The following GTF2A1 variants were observed in gnomAD, a reference collection of about 807,000 sequenced individuals.
GTF2A1 encodes the protein general transcription factor IIA subunit 1, also known as transcription initiation factor IIA subunit 1.
In GTF2A1, 12 loss-of-function variants were observed where a neutral mutation model predicts 54.1. The observed-to-expected ratio is 0.22, with a 90% CI of 0.14 to 0.36. The LOEUF (loss-of-function observed/expected upper bound fraction) is 0.36, where lower values mean the gene tolerates loss of function less well. GTF2A1 is among the 10% of genes least tolerant of loss of function. The pLI, the probability that GTF2A1 is intolerant of heterozygous loss-of-function variation, is 1.00. For missense variants in GTF2A1, 335 were observed against 442.2 expected (o/e 0.76, Z 2.17); for synonymous variants, 145 against 152.0 (o/e 0.95, Z 0.34).
At chr14:81,204,430 T>A in intron 2 of GTF2A1, 1 of 369,706 alleles carries the variant, frequency 2.7e-6, no homozygotes, top group South Asian at 2.4e-5. Flanking sequence ...TAATCAAAGA[T>A]TATCCTTTAT....
intron 4 of GTF2A1, among the ~76,000 whole-genome samples, chr14:81,197,760 T>A (rs555424251): frequency 9.7e-4 from 148 of 152,264 alleles, no homozygotes; most frequent in Non-Finnish European, 1.9e-3. Context: ...TGCAGTTTTT[T>A]TTTCCTTCTT....
intron 4 of GTF2A1, among the ~76,000 whole-genome samples, chr14:81,198,885 TC>T (rs1286904315): frequency 6.6e-6 from 1 of 152,202 alleles, no homozygotes; most frequent in African/African-American, 2.4e-5. Context: ...TACATAGCTT[TC>T]CAAGAAAATA....
rs1892562172 is a variant in GTF2A1 at position 81,177,964 on chromosome 14, G to T, written c.*2259C>A. 1 of 152,056 alleles carries T rather than the reference G, an allele frequency of 6.6e-6. No individual in the cohort carries two copies. The highest frequency in any genetic ancestry group is 1.5e-5 in the Non-Finnish European group (1 of 67,962). 9.4% of individuals were successfully genotyped at this position (152,056 alleles called of 1,614,324 possible). On this transcript the variant is annotated 3_prime_UTR_variant, in exon 9 of 9. Transcript: ENST00000553612. ...CAGGTAAAAGAAAAGCATTTGCCAAGTATACCATAATTCATATGCAATACG... is the reference window on the plus strand; with the variant it reads ...CAGGTAAAAGAAAAGCATTTGCCAATTATACCATAATTCATATGCAATACG...
rs944587184 is a variant in GTF2A1 at position 81,175,755 on chromosome 14, A to C, written c.*4468T>G. On this transcript the variant is annotated 3_prime_UTR_variant, in exon 9 of 9. Transcript: ENST00000553612. ...GAGAAATAACAATGTTTTTATCCTA[A>C]GTAATCTATACTTTGGAGTAGAAAT... The C allele has an allele frequency of 6.6e-6, 1 of 152,200 alleles. No homozygotes were observed. The highest frequency in any genetic ancestry group is 1.5e-5 in the Non-Finnish European group (1 of 68,024). The allele number at this position is 152,200 out of a possible 1,614,324, so 9.4% of individuals were successfully genotyped here.
intron 6 of GTF2A1, among the ~76,000 whole-genome samples, chr14:81,194,576 G>T (rs1693051808): frequency 6.6e-6 from 1 of 152,164 alleles, no homozygotes; most frequent in South Asian, 2.1e-4. Context: ...ATTTAAAAAA[G>T]AGACAGACAC....
chr14:81,180,311 T>C lies in GTF2A1; in HGVS notation c.1043A>G (p.Lys348Arg), dbSNP rs1892612916. Residue 348 changes from lysine to arginine, a missense_variant, in exon 9 of 9, where the codon AAA becomes AGA. By Grantham distance (26) the Lys-to-Arg change is conservative. This residue lies in a region of GTF2A1 where 29 missense variants were observed against 81.7 expected (regional missense o/e 0.35). Transcript: ENST00000553612. ...GCCATCCTTGAGATGAAATTTCCATTTGTTTTTACTTCTGTGTATCTAAAC... is the reference window on the plus strand; with the variant it reads ...GCCATCCTTGAGATGAAATTTCCATCTGTTTTTACTTCTGTGTATCTAAAC... ...QYDKIHRSKN[K>R]WKFHLKDGIM... 1 of 1,396,828 alleles carries C rather than the reference T, an allele frequency of 7.2e-7. No homozygotes were observed. The highest frequency in any genetic ancestry group is 1.0e-6 in the Non-Finnish European group (1 of 989,114). The allele number at this position is 1,396,828 out of a possible 1,614,324, so 86.5% of individuals were successfully genotyped here.
At chr14:81,197,600 A>C in intron 4 of GTF2A1, 116 bp from the exon 5 acceptor site, 2 of 589,186 alleles carry the variant, frequency 3.4e-6, no homozygotes, top group Non-Finnish European at 6.0e-6. Flanking sequence ...AATTTAAAAA[A>C]TCTAGTAAGG....
chr14:81,215,705 C>T (rs867136743), intron 2 of GTF2A1, among the ~76,000 whole-genome samples: 4 of 152,142 alleles, frequency 2.6e-5, no homozygotes, highest in Non-Finnish European at 4.4e-5. Context: ...ACTTAAAACA[C>T]ACTTTAGAAT....
Position 81,196,192 on chromosome 14 carries a change from A to T in GTF2A1, c.528T>A (p.Phe176Leu), listed in dbSNP as rs936687867. Residue 176 changes from phenylalanine (F) to leucine (L), a missense_variant, in exon 6 of 9, where the codon TTT becomes TTA. Phe to Leu is a conservative substitution (Grantham distance 22, BLOSUM62 0). Transcript: ENST00000553612. ...GTAGAACCACTGACTGCTGAGGCTGAAAGATATATTGGGCACCATTGGCTG... is the reference window on the plus strand; with the variant it reads ...GTAGAACCACTGACTGCTGAGGCTGTAAGATATATTGGGCACCATTGGCTG... ...VRAANGAQYIFQPQQSVVLQQ... is the reference protein window; with the variant it reads ...VRAANGAQYILQPQQSVVLQQ... 2 of 1,613,966 alleles carry T rather than the reference A, an allele frequency of 1.2e-6. No individual in the cohort carries two copies. The highest frequency in any genetic ancestry group is 2.7e-5 in the African/African-American group (2 of 74,932).
Position 81,195,369 on chromosome 14 carries a change from C to T in GTF2A1, c.612+739G>A, listed in dbSNP as rs566052758. ...AAAAAAAAGGCCGGGCGCAGTGGCT[C>T]ACACCTGTAATCCCAGCACTTTGGG... is the stretch of plus-strand genomic sequence containing the variant. On this transcript the variant is annotated intron_variant, in intron 6 of 8. Coordinates refer to ENST00000553612, the MANE Select transcript of GTF2A1 (RefSeq NM_015859.4). Among the ~76,000 whole-genome samples the T allele has an allele frequency of 4.6e-5, 7 of 151,672 alleles. No individual in the cohort carries two copies. In the South Asian group the frequency reaches 1.5e-3, roughly 32 times the overall value.
At chr14:81,199,105 G>A (rs1329271738) in intron 4 of GTF2A1, among the ~76,000 whole-genome samples, 1 of 151,972 alleles carries the variant, frequency 6.6e-6, no homozygotes, top group Admixed American at 6.6e-5. Context: ...ATACTATTAA[G>A]AAATATTTAA....
intron 2 of GTF2A1, among the ~76,000 whole-genome samples, chr14:81,215,938 T>C (rs1038785092): frequency 1.3e-5 from 2 of 152,170 alleles, no homozygotes; most frequent in Non-Finnish European, 2.9e-5. Context: ...GAGGATGGTT[T>C]GAGTCTGGGA....
In GTF2A1 at chr14:81,192,813, A is replaced by C; in HGVS notation, c.639T>G (p.Ile213Met). 2 of 1,612,442 alleles carry C rather than the reference A, an allele frequency of 1.2e-6. No homozygotes were observed. The highest frequency in any genetic ancestry group is 1.7e-4 in the Middle Eastern group (1 of 6,056). ...GGATGATGACACCTGTCTGTGGTGA[A>C]ATCCCTCCAGGAAGAGGAGCCAGCA... is the stretch of plus-strand genomic sequence containing the variant. The part of the protein sequence containing the change: ...QQVLAPLPGG[I>M]SPQTGVIIQP... Residue 213 changes from isoleucine (I) to methionine (M), a missense_variant, in exon 7 of 9, where the codon ATT becomes ATG. Ile to Met is a conservative substitution (Grantham distance 10, BLOSUM62 1). This residue lies in a region of GTF2A1 where 306 missense variants were observed against 360.4 expected (regional missense o/e 0.85). Transcript: ENST00000553612.
chr14:81,190,991 C>T (rs1216289984), intron 7 of GTF2A1, among the ~76,000 whole-genome samples: 4 of 152,092 alleles, frequency 2.6e-5, no homozygotes, highest in Non-Finnish European at 5.9e-5. Context: ...CATGTTACTT[C>T]AAGAAGCACT....
intron 6 of GTF2A1, among the ~76,000 whole-genome samples, chr14:81,193,058 G>A (rs1051366645): frequency 2.6e-5 from 4 of 151,982 alleles, no homozygotes; most frequent in African/African-American, 9.7e-5. Context: ...AAAGATAACT[G>A]CTTCATTTAT....
intron 7 of GTF2A1, among the ~76,000 whole-genome samples, chr14:81,188,035 GGT>G (rs1020468383): frequency 6.6e-6 from 1 of 152,110 alleles, no homozygotes; most frequent in Non-Finnish European, 1.5e-5. Flanking sequence ...GGTGTAAAGT[GGT>G]TATCTCAGTG....
intron 2 of GTF2A1, among the ~76,000 whole-genome samples, chr14:81,208,408 C>T (rs960500284): frequency 6.6e-6 from 1 of 152,194 alleles, no homozygotes; most frequent in African/African-American, 2.4e-5. Context: ...TGTATGGAAA[C>T]GCCTGGATGC....
At chr14:81,188,545 G>A (rs1256323524) in intron 7 of GTF2A1, among the ~76,000 whole-genome samples, 8 of 152,116 alleles carry the variant, frequency 5.3e-5, no homozygotes, top group Non-Finnish European at 1.0e-4. Context: ...GCCGAGGTGG[G>A]CAGATCACGA....
intron 2 of GTF2A1, among the ~76,000 whole-genome samples, chr14:81,205,548 C>A (rs1198847209): frequency 6.6e-6 from 1 of 152,118 alleles, no homozygotes; most frequent in Non-Finnish European, 1.5e-5. Flanking sequence ...AGTTGGTGAT[C>A]AAAATATATT....
Sources: allele counts gnomAD v4.1 joint callset (sites outside exome capture counted in the v4.1 genomes callset), GRCh38; gene constraint gnomAD v4.1.1; regional missense constraint gnomAD v4.1.1; transcripts MANE v1.5; gene names NCBI Gene and HGNC (gene_info 2026-07-23, HGNC 2026-07-21).